Variants in ZNF729 observed in about 807,000 individuals in gnomAD.
ZNF729 encodes the protein zinc finger protein 729.
A neutral mutation model predicts 12.2 loss-of-function variants in ZNF729; 15 were observed. The ratio of observed to expected loss-of-function variants is 1.23; its 90% CI spans 0.82 to 1.89. The LOEUF is 1.89. Ranked by LOEUF, ZNF729 falls within the 40% of genes most tolerant of loss-of-function variation. ZNF729 has a pLI of 0.00. For synonymous variants in ZNF729, 492 were observed against 476.3 expected (o/e 1.03, Z -0.43); for missense variants, 1,540 against 1,456.7 (o/e 1.06, Z -0.93).
At chr19:22,306,513 A>T (rs1374170551) in intron 3 of ZNF729, among the ~76,000 whole-genome samples, 1 of 149,648 alleles carries the variant, frequency 6.7e-6, no homozygotes, top group Non-Finnish European at 1.5e-5. Context: ...TTTTTTTTTA[A>T]CATGTTTTTT....
Position 22,316,827 on chromosome 19 carries a change from G to A in ZNF729, c.3410G>A (p.Cys1137Tyr). Residue 1137 changes from cysteine to tyrosine, a missense_variant, in exon 4 of 4, where the codon TGT becomes TAT. By Grantham distance (194) the Cys-to-Tyr change is radical (BLOSUM62 -2). Transcript: ENST00000601693. ...GAGAAACCCTACAAATGTGAAGAATGTGGCAAAGCCTTTAGTCAGTCCTCA... is the reference window on the plus strand; with the variant it reads ...GAGAAACCCTACAAATGTGAAGAATATGGCAAAGCCTTTAGTCAGTCCTCA... ...TGEKPYKCEE[C>Y]GKAFSQSSIL... 1 of 1,613,240 alleles carries A rather than the reference G, an allele frequency of 6.2e-7. No individual in the cohort carries two copies. Among genetic ancestry groups the A allele is most frequent in the East Asian group, 2.2e-5 (1 of 44,842 alleles).
intron 1 of ZNF729, 73 bp downstream of exon 1, chr19:22,286,628 G>C: frequency 1.3e-6 from 2 of 1,590,908 alleles, no homozygotes; most frequent in East Asian, 4.5e-5. Flanking sequence ...GGCTGTGGCG[G>C]GACTCCGGCC....
In ZNF729 at chr19:22,314,667, C is replaced by T. The variant is rs568403297; in HGVS notation, c.1250C>T (p.Ser417Leu). 1 of 1,612,666 alleles carries T rather than the reference C, an allele frequency of 6.2e-7. No individual in the cohort carries two copies. The highest frequency in any genetic ancestry group is 1.1e-5 in the South Asian group (1 of 91,060). The change falls in exon 4 of 4, where the codon TCA (serine) becomes TTA (leucine). Residue 417 changes from serine (S) to leucine (L), a missense_variant. Coordinates refer to ENST00000601693, the MANE Select transcript of ZNF729 (RefSeq NM_001242680.2). ...EECGKAFSQF[S>L]TLKKHKIIHT... ...TGTGGCAAAGCTTTTAGCCAGTTCTCAACCCTTAAAAAACATAAGATAATT... is the reference window on the plus strand; with the variant it reads ...TGTGGCAAAGCTTTTAGCCAGTTCTTAACCCTTAAAAAACATAAGATAATT...
intron 1 of ZNF729, among the ~76,000 whole-genome samples, chr19:22,296,574 G>A (rs1458385612): frequency 6.6e-6 from 1 of 151,580 alleles, no homozygotes; most frequent in East Asian, 1.9e-4. Flanking sequence ...CGGATTTCTT[G>A]TTCTTTTGTA....
chr19:22,291,531 C>T (rs947190051), intron 1 of ZNF729, among the ~76,000 whole-genome samples: 3 of 152,152 alleles, frequency 2.0e-5, no homozygotes, highest in African/African-American at 7.2e-5. Flanking sequence ...TGGCATATCC[C>T]AACCCCCAGA....
At position 22,315,635 on chromosome 19, in the gene ZNF729, T is replaced by A. The variant is rs1968522722; in HGVS notation, c.2218T>A (p.Cys740Ser). 6.2e-7 allele frequency: 1 copy of A among 1,608,940 alleles called. No individual in the cohort carries two copies. Among genetic ancestry groups the A allele is most frequent in the African/African-American group, 1.3e-5 (1 of 74,826 alleles). Residue 740 changes from cysteine to serine, a missense_variant, in exon 4 of 4, where the codon TGC becomes AGC. Physicochemically the swap from Cys to Ser is moderately radical, Grantham distance 112. Coordinates refer to ENST00000601693, the MANE Select transcript of ZNF729 (RefSeq NM_001242680.2). ...HKVIHTAEKP[C>S]KCEECGKSFK... The stretch of plus-strand genomic sequence containing the variant: ...GGTAATTCATACTGCAGAGAAACCC[T>A]GCAAATGTGAAGAATGTGGCAAATC...
chr19:22,302,688 A>T (rs773768659), intron 1 of ZNF729, among the ~76,000 whole-genome samples: 1 of 152,310 alleles, frequency 6.6e-6, no homozygotes, highest in Non-Finnish European at 1.5e-5. Flanking sequence ...AGAATTCTAC[A>T]TAGGGTCCAC....
At chr19:22,307,815 T>G (rs548007199) in intron 3 of ZNF729, among the ~76,000 whole-genome samples, 51 of 148,470 alleles carry the variant, frequency 3.4e-4, no homozygotes, top group African/African-American at 1.2e-3. Flanking sequence ...TTTTTTTTTT[T>G]TTTTTTTTTG....
At chr19:22,302,318 G>A (rs1259928076) in intron 1 of ZNF729, among the ~76,000 whole-genome samples, 11 of 152,300 alleles carry the variant, frequency 7.2e-5, no homozygotes, top group Non-Finnish European at 1.6e-4. Context: ...GTCTAGACTA[G>A]CAACTGGGTA....
chr19:22,311,926 C>T (rs1968454276), intron 3 of ZNF729, among the ~76,000 whole-genome samples: 1 of 151,894 alleles, frequency 6.6e-6, no homozygotes, highest in South Asian at 2.1e-4. Context: ...TGTACAAGAC[C>T]TTTTACCATT....
chr19:22,295,389 CTTTT>C (rs746054091), intron 1 of ZNF729, among the ~76,000 whole-genome samples: 4 of 130,890 alleles, frequency 3.1e-5, no homozygotes, highest in Non-Finnish European at 1.6e-5. Flanking sequence ...AGTTTTCTTT[CTTTT>C]TTTTTTTTTT....
intron 3 of ZNF729, among the ~76,000 whole-genome samples, chr19:22,307,739 ATC>A (rs1968397799): frequency 1.4e-5 from 2 of 144,502 alleles, no homozygotes; most frequent in African/African-American, 5.3e-5. Flanking sequence ...GCAAAACTCC[ATC>A]AAAAAAAAAA....
intron 1 of ZNF729, among the ~76,000 whole-genome samples, chr19:22,293,187 C>T (rs555308670): frequency 1.8e-3 from 274 of 152,116 alleles, no homozygotes; most frequent in Middle Eastern, 0.014. Flanking sequence ...TTTTTGTCTA[C>T]CTTTTTTTTT....
chr19:22,292,683 C>G (rs112925452), intron 1 of ZNF729, among the ~76,000 whole-genome samples: 3,785 of 152,176 alleles, frequency 0.025, 153 homozygotes, highest in African/African-American at 0.087. Context: ...TCAGGCAATT[C>G]ACCTGCCTCG....
Position 22,303,899 on chromosome 19 carries a change from A to T in ZNF729, c.157+15A>T. 4 of 1,555,012 alleles carry T rather than the reference A, an allele frequency of 2.6e-6. No homozygotes were observed. Among genetic ancestry groups the T allele is most frequent in the Non-Finnish European group, 3.5e-6 (4 of 1,144,726 alleles). The stretch of plus-strand genomic sequence containing the variant: ...GGTCTTCCTGGGTGAGGATAATTTT[A>T]ATTAAGCAATTCCTATTATATTCTA... On this transcript the variant is annotated intron_variant, in intron 2 of 3. Coordinates refer to ENST00000601693, the MANE Select transcript of ZNF729 (RefSeq NM_001242680.2).
intron 3 of ZNF729, among the ~76,000 whole-genome samples, chr19:22,305,789 CTTTT>C (rs1466167884): frequency 1.7e-4 from 26 of 152,032 alleles, no homozygotes; most frequent in Admixed American, 6.6e-5. Flanking sequence ...CATCTTCTTT[CTTTT>C]TCTTTTAATT....
chr19:22,294,263 T>G (rs1968194360), intron 1 of ZNF729, among the ~76,000 whole-genome samples: 1 of 152,230 alleles, frequency 6.6e-6, no homozygotes, highest in Non-Finnish European at 1.5e-5. Context: ...TTGTCAAAGA[T>G]CAGTTGGTTA....
intron 1 of ZNF729, among the ~76,000 whole-genome samples, chr19:22,295,449 G>A (rs868561371): frequency 2.1e-4 from 31 of 148,746 alleles, no homozygotes; most frequent in South Asian, 4.2e-4. Flanking sequence ...GTGCAGTGGT[G>A]CAATCTTCTC....
chr19:22,309,957 T>G (rs563942931), intron 3 of ZNF729, among the ~76,000 whole-genome samples: 4 of 138,962 alleles, frequency 2.9e-5, no homozygotes, highest in South Asian at 2.2e-4. Context: ...GTTTTTGGGG[T>G]TTTTTTTTTT....
Sources: gnomAD v4.1 joint callset for allele counts (sites outside exome capture counted in the v4.1 genomes callset) on GRCh38, gnomAD v4.1.1 for gene constraint, MANE v1.5 for transcripts, NCBI Gene and HGNC (gene_info 2026-07-23, HGNC 2026-07-21) for gene names.